HDLBP: variants seen among roughly 807,000 people sequenced by gnomAD.
The protein encoded by HDLBP is vigilin.
HDLBP carries 30 observed loss-of-function variants against 137.3 expected under a neutral mutation model. The observed-to-expected ratio is 0.22, with a 90% CI of 0.16 to 0.30. HDLBP has a LOEUF of 0.30. Among genes scored for constraint, HDLBP ranks in the 10% least tolerant of loss-of-function variants. The probability of loss-of-function intolerance (pLI) is 1.00; values close to 1 mark genes in which losing one functional copy is unlikely to be tolerated. For synonymous variants in HDLBP, 606 were observed against 596.0 expected, an observed-to-expected ratio of 1.02 and a Z score of -0.24; for missense variants, 1,119 against 1,667.3, an observed-to-expected ratio of 0.67 and a Z score of 5.73.
Position 241,281,211 on chromosome 2 carries a change from G to A in HDLBP, c.-102-12670C>T, listed in dbSNP as rs544768509. On this transcript the variant is annotated intron_variant, in intron 1 of 27. Coordinates refer to ENST00000310931, the MANE Select transcript of HDLBP (RefSeq NM_005336.6). Reference sequence around the variant, plus strand: ...TCTCTACTAAAACACAAAATTACTCGGGCTTGGGGGTGCATGCCTGTAATC... The same window carrying A: ...TCTCTACTAAAACACAAAATTACTCAGGCTTGGGGGTGCATGCCTGTAATC... Among the ~76,000 whole-genome samples, 251 of 152,234 alleles carry A rather than the reference G, an allele frequency of 1.6e-3. 3 individuals carry two copies. The highest frequency in any genetic ancestry group is 5.8e-3 in the African/African-American group (239 of 41,530).
At chr2:241,276,703 CATT>C (rs981579606) in intron 1 of HDLBP, among the ~76,000 whole-genome samples, 6 of 152,042 alleles carry the variant, frequency 3.9e-5, no homozygotes, top group African/African-American at 1.4e-4. Flanking sequence ...GGATAAAAAT[CATT>C]ATTAAGAACA....
chr2:241,248,162 A>C lies in HDLBP; in HGVS notation c.1618-46T>G, dbSNP rs764446596. 3 of 1,556,944 alleles carry C rather than the reference A, an allele frequency of 1.9e-6. No individual in the cohort carries two copies. The African/African-American group carries it at 4.1e-5, about 21-fold the overall frequency. On this transcript the variant is annotated intron_variant, in intron 13 of 27. Transcript: ENST00000310931. ...ACTAAGTTCAAGTATGAGGAAGGAC[A>C]TATATCCCAAATATCAAATATTCCT...
rs147529949 is a variant in HDLBP, at chr2:241,233,730, C to T, written c.3288+90G>A. 8,244 of 1,463,696 alleles carry T rather than the reference C, an allele frequency of 5.6e-3. 36 individuals are homozygous for T. Among genetic ancestry groups the T allele is most frequent in the Non-Finnish European group, 6.9e-3 (7,321 of 1,058,980 alleles). 90.7% of individuals were successfully genotyped at this position (1,463,696 alleles called of 1,614,324 possible). On this transcript the variant is annotated intron_variant, in intron 24 of 27. Coordinates refer to ENST00000310931, the MANE Select transcript of HDLBP (RefSeq NM_005336.6). The surrounding 1 kb of genome is among the most constrained non-coding windows in gnomAD (Gnocchi z 4.3). ...CACTCTCAACTTGGCCCTCGAACCCCCATCTAGGCACATCTGGTTACTGCT... is the reference window on the plus strand; with the variant it reads ...CACTCTCAACTTGGCCCTCGAACCCTCATCTAGGCACATCTGGTTACTGCT...
intron 1 of HDLBP, chr2:241,273,298 T>TCCCTCACTTTTATAA: frequency 1.1e-6 from 1 of 926,566 alleles, no homozygotes; most frequent in Non-Finnish European, 1.3e-6. Flanking sequence ...ATTCCTTATG[T>TCCCTCACTTTTATAA]CCCTCACTTT....
At chr2:241,282,456 C>G (rs2074643292) in intron 1 of HDLBP, among the ~76,000 whole-genome samples, 1 of 152,170 alleles carries the variant, frequency 6.6e-6, no homozygotes, top group Non-Finnish European at 1.5e-5. Flanking sequence ...ATTCTTTGAT[C>G]TAACACTTCC....
Position 241,239,766 on chromosome 2 carries a change from C to T in HDLBP, c.2446G>A (p.Val816Ile), listed in dbSNP as rs763692759. 1.1e-5 allele frequency: 17 copies of T among 1,614,122 alleles called. No homozygotes were observed. The highest frequency in any genetic ancestry group is 1.6e-4 in the Middle Eastern group (1 of 6,062). ...LVDPKHHRHFVIRRGQVLREI... is the reference protein window; with the variant it reads ...LVDPKHHRHFIIRRGQVLREI... Reference sequence around the variant, plus strand: ...CGCAAGACCTGGCCTCTGCGGATGACGAAGTGGCGGTGGTGCTTGGGGTCC... The same window carrying T: ...CGCAAGACCTGGCCTCTGCGGATGATGAAGTGGCGGTGGTGCTTGGGGTCC... Residue 816 changes from valine (V) to isoleucine (I), a missense_variant, in exon 19 of 28, where the codon GTC becomes ATC. By Grantham distance (29) the Val-to-Ile change is conservative. Around this residue, in one of 4 missense-constraint regions of HDLBP, gnomAD observed 618 missense variants for 816.7 expected, o/e 0.76. Coordinates refer to ENST00000310931, the MANE Select transcript of HDLBP (RefSeq NM_005336.6). This position sits in a 1 kb window ranked among gnomAD's most constrained non-coding sequence, Gnocchi z 4.6.
intron 16 of HDLBP, among the ~76,000 whole-genome samples, chr2:241,244,501 CTCA>C (rs1220304531): frequency 1.3e-5 from 2 of 152,116 alleles, no homozygotes; most frequent in African/African-American, 4.8e-5. Flanking sequence ...CATCAGCTTT[CTCA>C]TCAGAAACAA....
chr2:241,232,265 T>TA (rs1280820141), intron 24 of HDLBP, among the ~76,000 whole-genome samples: 1 of 149,692 alleles, frequency 6.7e-6, no homozygotes, highest in Non-Finnish European at 1.5e-5. Flanking sequence ...GTCTAATTGC[T>TA]AAACAATGAC....
At position 241,263,241 on chromosome 2, in the gene HDLBP, A is replaced by G. The variant is rs539020286; in HGVS notation, c.235-315T>C. On this transcript the variant is annotated intron_variant, in intron 4 of 27. Coordinates refer to ENST00000310931, the MANE Select transcript of HDLBP (RefSeq NM_005336.6). ...GGTGGACCCTGGGGACGGCCAGGAAACACCGTCCTGAAGCACGAGGCAGCT... is the reference window on the plus strand; with the variant it reads ...GGTGGACCCTGGGGACGGCCAGGAAGCACCGTCCTGAAGCACGAGGCAGCT... Among the ~76,000 whole-genome samples the G allele has an allele frequency of 8.5e-5, 13 of 152,346 alleles. No individual in the cohort carries two copies. In the South Asian group the frequency reaches 2.5e-3, roughly 29 times the overall value.
At chr2:241,268,121 A>G (rs1021348055) in intron 2 of HDLBP, among the ~76,000 whole-genome samples, 1 of 152,216 alleles carries the variant, frequency 6.6e-6, no homozygotes, top group Non-Finnish European at 1.5e-5. Flanking sequence ...TGAATTTTGC[A>G]TAATTTTTAT....
chr2:241,258,250 G>C (rs1281686896), intron 5 of HDLBP, among the ~76,000 whole-genome samples: 1 of 151,602 alleles, frequency 6.6e-6, no homozygotes, highest in African/African-American at 2.4e-5. Flanking sequence ...GGGAGGCTGA[G>C]GCAGGCGAAT....
chr2:241,269,603 G>T (rs1483801301), intron 1 of HDLBP: 3 of 152,208 alleles, frequency 2.0e-5, no homozygotes, highest in Non-Finnish European at 4.4e-5. Flanking sequence ...AGATGCACCA[G>T]ACACACAGAT....
chr2:241,273,609 GT>G (rs950773920), intron 1 of HDLBP: 3 of 985,378 alleles, frequency 3.0e-6, no homozygotes, highest in East Asian at 1.1e-4. Flanking sequence ...CGAGCAATCT[GT>G]AGAGATGTCA....
chr2:241,237,830 C>T (rs1447812218), intron 20 of HDLBP, among the ~76,000 whole-genome samples: 1 of 152,334 alleles, frequency 6.6e-6, no homozygotes, highest in Non-Finnish European at 1.5e-5. Flanking sequence ...TAAATAACCA[C>T]TGAAGTGTAA....
chr2:241,315,407 G>A (rs2076028910), intron 1 of HDLBP, 163 bp downstream of exon 1: 1 of 152,040 alleles, frequency 6.6e-6, no homozygotes, highest in African/African-American at 2.4e-5. Context: ...TGGAGGACAG[G>A]AGGAGAGGCG....
At chr2:241,301,765 C>T (rs1459166481) in intron 1 of HDLBP, among the ~76,000 whole-genome samples, 3 of 151,512 alleles carry the variant, frequency 2.0e-5, no homozygotes, top group Non-Finnish European at 4.4e-5. Flanking sequence ...CCTTTCCTTT[C>T]GTTTTGTTTT....
At chr2:241,275,763 A>G (rs1201335005) in intron 1 of HDLBP, among the ~76,000 whole-genome samples, 1 of 152,226 alleles carries the variant, frequency 6.6e-6, no homozygotes, top group East Asian at 1.9e-4. Flanking sequence ...TACATACCAG[A>G]GGATAATGGC....
intron 1 of HDLBP, chr2:241,271,234 A>G: frequency 1.6e-6 from 1 of 616,086 alleles, no homozygotes; most frequent in Non-Finnish European, 2.0e-6. Flanking sequence ...CGGATCAATC[A>G]GTGTCCAGGT....
At position 241,233,675 on chromosome 2, in the gene HDLBP, C is replaced by G; in HGVS notation, c.3288+145G>C. The G allele has an allele frequency of 2.4e-6, 2 of 834,814 alleles. No homozygotes were observed. Among genetic ancestry groups the G allele is most frequent in the Non-Finnish European group, 3.8e-6 (2 of 527,678 alleles). 51.7% of individuals were successfully genotyped at this position (834,814 alleles called of 1,614,324 possible). A position where few individuals can be genotyped will look rare whatever the true frequency, so the allele number is the denominator to read the frequency against. On this transcript the variant is annotated intron_variant, in intron 24 of 27. Coordinates refer to ENST00000310931, the MANE Select transcript of HDLBP (RefSeq NM_005336.6). This position sits in a 1 kb window ranked among gnomAD's most constrained non-coding sequence, Gnocchi z 4.3. Reference sequence around the variant, plus strand: ...AAGTACCGAGACACAGCCCAAACCTCAAGCCAGAATTAGGTCCTGAGAGAC... The same window carrying G: ...AAGTACCGAGACACAGCCCAAACCTGAAGCCAGAATTAGGTCCTGAGAGAC...
Sources: allele counts gnomAD v4.1 joint callset (sites outside exome capture counted in the v4.1 genomes callset), GRCh38; gene constraint gnomAD v4.1.1; regional missense constraint gnomAD v4.1.1; non-coding constraint Gnocchi (gnomAD v3.1); transcripts MANE v1.5; gene names NCBI Gene and HGNC (gene_info 2026-07-23, HGNC 2026-07-21).